The following RNF213 variants were observed in gnomAD, a reference collection of about 807,000 sequenced individuals.
The protein encoded by RNF213 is E3 ubiquitin-protein ligase RNF213.
In RNF213, 341 loss-of-function variants were observed where a neutral mutation model predicts 514.4. The ratio of observed to expected loss-of-function variants is 0.66; its 90% CI spans 0.61 to 0.73. The LOEUF is 0.73. Ranked by LOEUF, RNF213 falls within the 30% of genes least tolerant of loss-of-function variation. The pLI is 0.00. For synonymous variants in RNF213, 2,655 were observed against 2,658.2 expected, an observed-to-expected ratio of 1.00 and a Z score of 0.04; for missense variants, 5,767 against 6,615.6, an observed-to-expected ratio of 0.87 and a Z score of 4.45.
Position 80,385,169 on chromosome 17 carries a change from C to G in RNF213, c.14453C>G (p.Ser4818Ter), listed in dbSNP as rs191623236. The G allele has an allele frequency of 6.2e-7, 1 of 1,614,162 alleles. No homozygotes were observed. Among genetic ancestry groups the G allele is most frequent in the East Asian group, 2.2e-5 (1 of 44,882 alleles). ...AGAGGCTTCCTCAGCAAGCACAGCT[C>G]AGGTGTGGCTCTGCTCTGACAGGAC... ...SIRGFLSKHS[S>*]DGLRQLLHNR... Residue 4818 changes from serine (S) to a stop codon, truncating the protein, a stop_gained and splice_region_variant, in exon 60 of 68, where the codon TCA becomes TGA. Transcript: ENST00000582970. LOFTEE classifies it high-confidence loss of function.
chr17:80,337,952 TG>T lies in RNF213; in HGVS notation c.4790del (p.Gly1597AlafsTer64). 5 of 1,537,302 alleles carry T rather than the reference TG, an allele frequency of 3.3e-6. No individual in the cohort carries two copies. The highest frequency in any genetic ancestry group is 4.4e-6 in the Non-Finnish European group (5 of 1,146,920). Reference sequence around the variant, plus strand: ...TTTTGAACAAGTTGATGCTGATGTCTGGCAAGAAGGATCGTAACAACACGGA... The same window carrying T: ...TTTTGAACAAGTTGATGCTGATGTCTGCAAGAAGGATCGTAACAACACGGA... ...ELLNKLMLMSGKKDRNNTEVE... is the reference protein window; with the variant it reads ...ELLNKLMLMSXKKDRNNTEVE... On this transcript the variant is annotated frameshift_variant, in exon 25 of 68. Coordinates refer to ENST00000582970, the MANE Select transcript of RNF213 (RefSeq NM_001256071.3). LOFTEE classifies it high-confidence loss of function.
At chr17:80,333,326 C>T (rs1042394620) in intron 21 of RNF213, among the ~76,000 whole-genome samples, 9 of 150,530 alleles carry the variant, frequency 6.0e-5, no homozygotes, top group African/African-American at 2.2e-4. Context: ...TCCCAAAGTG[C>T]TGGGATTACA....
Position 80,353,843 on chromosome 17 carries a change from C to A in RNF213, c.10579-176C>A. On this transcript the variant is annotated intron_variant, in intron 34 of 67. Transcript: ENST00000582970. The surrounding 1 kb of genome is among the most constrained non-coding windows in gnomAD (Gnocchi z 5.0). ...GTTGCTGGTTACTGGGGGTCAAGGG[C>A]ATCTGCACCGGCAGTTTGGGGGGTG... is the stretch of plus-strand genomic sequence containing the variant. 1 of 1,186,418 alleles carries A rather than the reference C, an allele frequency of 8.4e-7. No homozygotes were observed. Among genetic ancestry groups the A allele is most frequent in the Non-Finnish European group, 1.2e-6 (1 of 818,742 alleles). The allele number at this position is 1,186,418 out of a possible 1,614,324, so 73.5% of individuals were successfully genotyped here. A position where few individuals can be genotyped will look rare whatever the true frequency, so the allele number is the denominator to read the frequency against.
At chr17:80,276,599 C>A (rs1420896010) in intron 3 of RNF213, among the ~76,000 whole-genome samples, 1 of 151,406 alleles carries the variant, frequency 6.6e-6, no homozygotes, top group Non-Finnish European at 1.5e-5. Context: ...ACTGTGAGAT[C>A]CTTCCTCAAA....
chr17:80,358,565 A>G, intron 37 of RNF213, 86 bp downstream of exon 37: 1 of 1,275,752 alleles, frequency 7.8e-7, no homozygotes, highest in Non-Finnish European at 1.1e-6. Context: ...GCTGGGTGAA[A>G]CGCAGCCCTC....
chr17:80,263,640 T>A lies in RNF213; in HGVS notation c.-42T>A, dbSNP rs1423161061. 6.4e-7 allele frequency: 1 copy of A among 1,552,730 alleles called. No homozygotes were observed. The highest frequency in any genetic ancestry group is 8.9e-7 in the Non-Finnish European group (1 of 1,124,220). On this transcript the variant is annotated 5_prime_UTR_variant, in exon 2 of 68. Coordinates refer to ENST00000582970, the MANE Select transcript of RNF213 (RefSeq NM_001256071.3). This position sits in a 1 kb window ranked among gnomAD's most constrained non-coding sequence, Gnocchi z 4.9. ...TATATAGCAGGCTGCCAGCGACTCC[T>A]GCTCTTGCTTCTGGATCTGCAGGGC...
rs780334579 is a variant in RNF213, at chr17:80,327,958, C to T, written c.3336C>T (p.His1112=). Residue 1112 remains histidine (H), a synonymous_variant, in exon 19 of 68, where the codon CAC becomes CAT. Transcript: ENST00000582970. The part of the protein sequence containing the change: ...LVGQLELIIK[H]KNQFLDIWQL... ...GACAACTGGAGCTGATTATAAAGCA[C>T]AAGAATCAGTTTCTTGACATCTGGC... 1 of 1,537,242 alleles carries T rather than the reference C, an allele frequency of 6.5e-7. No individual in the cohort carries two copies. Among genetic ancestry groups the T allele is most frequent in the South Asian group, 1.2e-5 (1 of 84,056 alleles).
intron 42 of RNF213, 84 bp from the exon 43 acceptor site, chr17:80,367,664 G>C (rs1231187384): frequency 1.9e-6 from 2 of 1,041,420 alleles, no homozygotes; most frequent in East Asian, 4.8e-5. Flanking sequence ...CCTTGGCCCT[G>C]AATGTGGTGC....
Position 80,295,488 on chromosome 17 carries a change from G to A in RNF213, c.1756-69G>A, listed in dbSNP as rs964757957. ...TCTGCTGCCCTAGCTGTGGTGCTGGGGCAGCTCTGGACACTGCCGGTGAAT... is the reference window on the plus strand; with the variant it reads ...TCTGCTGCCCTAGCTGTGGTGCTGGAGCAGCTCTGGACACTGCCGGTGAAT... On this transcript the variant is annotated intron_variant, in intron 9 of 67. Transcript: ENST00000582970. The A allele has an allele frequency of 5.6e-6, 9 of 1,600,974 alleles. No homozygotes were observed. The Admixed American group carries it at 1.3e-4, about 24-fold the overall frequency.
Position 80,389,844 on chromosome 17 carries a change from A to G in RNF213, c.15212A>G (p.Gln5071Arg), listed in dbSNP as rs142120906. The G allele has an allele frequency of 5.0e-6, 8 of 1,613,972 alleles. No individual in the cohort carries two copies. The highest frequency in any genetic ancestry group is 6.8e-6 in the Non-Finnish European group (8 of 1,180,026). ...CTTCTGCAGGCCTTAAACAGATGCC[A>G]GTTAAAACACACCATTGCCCTCTGG... Reference protein sequence around the residue: ...IHVLKALNRCQLKHTIALWQF... With the variant: ...IHVLKALNRCRLKHTIALWQF... The change falls in exon 66 of 68, where the codon CAG becomes CGG. Residue 5071 changes from glutamine (Q) to arginine (R), a missense_variant. By Grantham distance (43) the Gln-to-Arg change is conservative. Transcript: ENST00000582970.
At chr17:80,351,905 A>C (rs1397308730) in intron 32 of RNF213, 102 bp downstream of exon 32, 7 of 693,694 alleles carry the variant, frequency 1.0e-5, no homozygotes, top group Non-Finnish European at 1.3e-5. Context: ...ACCAGGCTGG[A>C]GTGCAGTGGC....
At chr17:80,306,867 A>AG (rs2143582638) in intron 12 of RNF213, among the ~76,000 whole-genome samples, 1 of 151,930 alleles carries the variant, frequency 6.6e-6, no homozygotes, top group East Asian at 1.9e-4. Context: ...AAAAAAAAAA[A>AG]AGAAGGCGTC....
At chr17:80,275,598 T>C (rs891635490) in intron 3 of RNF213, among the ~76,000 whole-genome samples, 1 of 152,098 alleles carries the variant, frequency 6.6e-6, no homozygotes, top group Admixed American at 6.6e-5. Context: ...AGGCTGAGTG[T>C]GGGAGGAGTG....
At chr17:80,339,092 G>A (rs1286614138) in intron 25 of RNF213, 109 bp from the exon 26 acceptor site, 3 of 855,408 alleles carry the variant, frequency 3.5e-6, no homozygotes, top group Non-Finnish European at 5.2e-6. Flanking sequence ...CATGCAGTGG[G>A]CCTGTGGACA....
chr17:80,317,468 T>A lies in RNF213; in HGVS notation c.2901+191T>A, dbSNP rs1599010272. 6.6e-6 allele frequency among the ~76,000 whole-genome samples: 1 copy of A among 152,130 alleles called. No homozygotes were observed. The highest frequency in any genetic ancestry group is 1.5e-5 in the Non-Finnish European group (1 of 68,010). On this transcript the variant is annotated intron_variant, in intron 16 of 67. Transcript: ENST00000582970. The surrounding 1 kb of genome is among the most constrained non-coding windows in gnomAD (Gnocchi z 4.1). ...CTAGAAGAGCGCTTCGGAGTCTTAC[T>A]GAGAGGACAGAGAAGAACAAGGGCC...
intron 2 of RNF213, among the ~76,000 whole-genome samples, chr17:80,269,446 A>C (rs556857982): frequency 6.8e-6 from 1 of 147,038 alleles, no homozygotes; most frequent in African/African-American, 2.6e-5. Context: ...CTATCTATCC[A>C]TCCATCTATT....
intron 67 of RNF213, among the ~76,000 whole-genome samples, chr17:80,390,671 A>G (rs747771072): frequency 6.6e-6 from 1 of 152,074 alleles, no homozygotes; most frequent in Non-Finnish European, 1.5e-5. Flanking sequence ...TGCTAGAATG[A>G]AAAGGCGTGA....
At chr17:80,321,779 A>G (rs2046143421) in intron 17 of RNF213, among the ~76,000 whole-genome samples, 1 of 152,158 alleles carries the variant, frequency 6.6e-6, no homozygotes, top group Admixed American at 6.5e-5. Context: ...GCTGGAGTGC[A>G]GTGGCGTGAT....
At chr17:80,315,677 TGGTG>T (rs1372549956) in intron 15 of RNF213, 1 of 150,190 alleles carries the variant, frequency 6.7e-6, no homozygotes, top group African/African-American at 2.6e-5. Context: ...CTGGAGGTGA[TGGTG>T]GTGGTGAAGG....
Sources: allele counts gnomAD v4.1 joint callset (sites outside exome capture counted in the v4.1 genomes callset), GRCh38; gene constraint gnomAD v4.1.1; non-coding constraint Gnocchi (gnomAD v3.1); transcripts MANE v1.5; gene names NCBI Gene and HGNC (gene_info 2026-07-23, HGNC 2026-07-21).